PSD3: variants seen among roughly 807,000 people sequenced by gnomAD.
The protein encoded by PSD3 is PH and SEC7 domain-containing protein 3.
A neutral mutation model predicts 105.5 loss-of-function variants in PSD3; 49 were observed. The ratio of observed to expected loss-of-function variants is 0.46; its 90% CI spans 0.37 to 0.59. The LOEUF is 0.59. Ranked by LOEUF, PSD3 falls within the 20% of genes least tolerant of loss-of-function variation. The pLI is 0.00. For synonymous variants in PSD3, 557 were observed against 457.8 expected (o/e 1.22, Z -2.77); for missense variants, 1,561 against 1,263.8 (o/e 1.24, Z -3.57).
Position 19,056,024 on chromosome 8 carries a change from C to CT in PSD3, c.324+28181dup, listed in dbSNP as rs1238208377. Among the ~76,000 whole-genome samples the CT allele has an allele frequency of 7.2e-5, 11 of 152,338 alleles. No homozygotes were observed. In the East Asian group the frequency reaches 2.1e-3, roughly 29 times the overall value. On this transcript the variant is annotated intron_variant, in intron 1 of 1. Coordinates refer to the PSD3 transcript ENST00000521475. Reference sequence around the variant, plus strand: ...ACATAACTCTATTATCTTGAAAAATCTTTATGTCAGTCTGACTTCTTTTCT... The same window carrying CT: ...ACATAACTCTATTATCTTGAAAAATCTTTTATGTCAGTCTGACTTCTTTTCT...
chr8:18,661,995 T>A (rs1809383242), intron 9 of PSD3, among the ~76,000 whole-genome samples: 1 of 152,096 alleles, frequency 6.6e-6, no homozygotes, highest in Non-Finnish European at 1.5e-5. Context: ...CTTGAATTTT[T>A]TTTTTTTCAC....
chr8:19,026,833 A>T (rs940885662), intron 1 of PSD3, among the ~76,000 whole-genome samples: 2 of 151,866 alleles, frequency 1.3e-5, no homozygotes, highest in African/African-American at 4.8e-5. Context: ...TGATTACATC[A>T]CTGCACTCTA....
intron 4 of PSD3, chr8:18,849,321 C>T (rs1045168182): frequency 6.6e-6 from 1 of 152,202 alleles, no homozygotes; most frequent in Admixed American, 6.5e-5. Context: ...CTTCGGCTCA[C>T]TTCTTGGTGC....
chr8:18,822,128 A>T (rs1321983536), intron 4 of PSD3, among the ~76,000 whole-genome samples: 2 of 152,188 alleles, frequency 1.3e-5, no homozygotes, highest in African/African-American at 4.8e-5. Flanking sequence ...TCTTTTCTAC[A>T]TGCAACACAC....
At chr8:18,702,620 T>TC (rs141204722) in intron 9 of PSD3, among the ~76,000 whole-genome samples, 1,606 of 151,170 alleles carry the variant, frequency 0.011, 29 homozygotes, top group African/African-American at 0.037. Context: ...TCTTTCTTTC[T>TC]TTCTTTTTTT....
chr8:18,577,619 C>T (rs563241754), intron 12 of PSD3, among the ~76,000 whole-genome samples: 7,397 of 152,106 alleles, frequency 0.049, 289 homozygotes, highest in South Asian at 0.13. Context: ...CTTCTTTATC[C>T]GTTTAATGCT....
chr8:18,651,309 C>T (rs112784753), intron 10 of PSD3, among the ~76,000 whole-genome samples: 50 of 152,298 alleles, frequency 3.3e-4, no homozygotes, highest in Admixed American at 2.3e-3. Context: ...TAACATTCTC[C>T]GGTTCTAACA....
In PSD3 at chr8:18,856,643, T is replaced by G. The variant is rs1208603104; in HGVS notation, c.1634+11031A>C. Among the ~76,000 whole-genome samples the G allele has an allele frequency of 3.9e-5, 6 of 152,308 alleles. No individual in the cohort carries two copies. The South Asian group carries it at 6.2e-4, about 16-fold the overall frequency. ...TCTTGACAAGAAAATGTCACCTTGT[T>G]TGCGTTGAGGTGGGGCTTCTAAATA... On this transcript the variant is annotated intron_variant, in intron 4 of 15. Coordinates refer to ENST00000327040, the MANE Select transcript of PSD3 (RefSeq NM_015310.4).
At chr8:18,802,449 A>AT in intron 6 of PSD3, 1 of 269,464 alleles carries the variant, frequency 3.7e-6, no homozygotes, top group East Asian at 8.3e-5. Context: ...TTCTATGAAA[A>AT]TTTTGCCTTC....
chr8:18,896,696 C>T (rs1819172417), intron 2 of PSD3, among the ~76,000 whole-genome samples: 1 of 151,696 alleles, frequency 6.6e-6, no homozygotes, highest in African/African-American at 2.4e-5. Context: ...TACAGGCGTG[C>T]ACCACCATGC....
At chr8:18,752,647 AT>A (rs1805699476) in intron 9 of PSD3, among the ~76,000 whole-genome samples, 2 of 109,398 alleles carry the variant, frequency 1.8e-5, no homozygotes, top group African/African-American at 7.3e-5. Flanking sequence ...TATATAATAT[AT>A]ATAATATATT....
chr8:18,591,882 GGGC>G (rs1803639304), intron 12 of PSD3, among the ~76,000 whole-genome samples: 1 of 152,068 alleles, frequency 6.6e-6, no homozygotes, highest in South Asian at 2.1e-4. Context: ...CAAGGATTAT[GGGC>G]TCCTGAAAAA....
intron 9 of PSD3, among the ~76,000 whole-genome samples, chr8:18,744,262 T>C (rs1565139): frequency 0.93 from 142,054 of 152,204 alleles, 66,362 homozygotes; most frequent in Middle Eastern, 0.96. Flanking sequence ...TAGGTATATT[T>C]ACTTTTCCCA....
chr8:18,739,046 T>C (rs1273144106), intron 9 of PSD3, among the ~76,000 whole-genome samples: 1 of 152,190 alleles, frequency 6.6e-6, no homozygotes, highest in Non-Finnish European at 1.5e-5. Context: ...GGATTTCGCC[T>C]AGTGATTTAA....
chr8:18,750,566 G>T (rs913517926), intron 9 of PSD3, among the ~76,000 whole-genome samples: 1 of 152,068 alleles, frequency 6.6e-6, no homozygotes, highest in Non-Finnish European at 1.5e-5. Flanking sequence ...ACCTTCCACA[G>T]TGTGGAAGGG....
At chr8:18,787,127 T>A (rs1809243309) in intron 8 of PSD3, among the ~76,000 whole-genome samples, 1 of 152,166 alleles carries the variant, frequency 6.6e-6, no homozygotes, top group African/African-American at 2.4e-5. Context: ...GCTCAAGGCT[T>A]CATAAGTATC....
chr8:18,596,735 A>T (rs963068925), intron 12 of PSD3, among the ~76,000 whole-genome samples: 4 of 149,664 alleles, frequency 2.7e-5, no homozygotes, highest in Non-Finnish European at 6.0e-5. Context: ...GAAGAAAGGG[A>T]TAAATTACTA....
rs1801359790 is a variant in PSD3 at position 18,560,955 on chromosome 8, C to T, written c.2785-4603G>A. Among the ~76,000 whole-genome samples the T allele has an allele frequency of 3.3e-5, 5 of 151,782 alleles. No homozygotes were observed. The South Asian group carries it at 8.3e-4, about 25-fold the overall frequency. On this transcript the variant is annotated intron_variant, in intron 14 of 15. Transcript: ENST00000327040. ...GATATAGGTTAGACCCTTTTTTGCCCCCGTCTTCTGTCATGTGAGGATACA... is the reference window on the plus strand; with the variant it reads ...GATATAGGTTAGACCCTTTTTTGCCTCCGTCTTCTGTCATGTGAGGATACA...
intron 2 of PSD3, among the ~76,000 whole-genome samples, chr8:18,883,810 A>G (rs1045630572): frequency 6.6e-6 from 1 of 152,224 alleles, no homozygotes; most frequent in Non-Finnish European, 1.5e-5. Flanking sequence ...ACTATAGTTC[A>G]TCGGATTTTC....
Sources: allele counts gnomAD v4.1 joint callset (sites outside exome capture counted in the v4.1 genomes callset), GRCh38; gene constraint gnomAD v4.1.1; transcripts MANE v1.5; gene names NCBI Gene and HGNC (gene_info 2026-07-23, HGNC 2026-07-21).